UTRN: variants seen among roughly 807,000 people sequenced by gnomAD.
UTRN encodes dystrophin-related protein 1.
Under a neutral mutation model 463.9 loss-of-function variants are expected in UTRN, and 283 were observed. That is an observed-to-expected ratio of 0.61 (90% CI 0.55 to 0.67). The LOEUF (loss-of-function observed/expected upper bound fraction) is 0.67. Among genes scored for constraint, UTRN ranks in the 30% least tolerant of loss-of-function variants. The pLI is 0.00. For synonymous variants in UTRN, 1,442 were observed against 1,431.5 expected (o/e 1.01, Z -0.17); for missense variants, 3,922 against 4,084.3 (o/e 0.96, Z 1.08).
intron 52 of UTRN, among the ~76,000 whole-genome samples, chr6:144,687,006 G>T (rs1217619622): frequency 6.6e-6 from 1 of 152,078 alleles, no homozygotes; most frequent in African/African-American, 2.4e-5. Context: ...AGAAGGTTCT[G>T]TTCTGGGGCA....
Position 144,485,357 on chromosome 6 carries a change from G to C in UTRN, c.3688-28G>C, listed in dbSNP as rs1792332774. The C allele has an allele frequency of 1.9e-6, 3 of 1,611,704 alleles. No individual in the cohort carries two copies. The South Asian group carries it at 3.3e-5, about 18-fold the overall frequency. On this transcript the variant is annotated intron_variant, in intron 27 of 74. Transcript: ENST00000367545. ...GATACGATGTGTGAAATGGCTTTTT[G>C]TCTAATTTAAAATTTTTCATGCTTT...
Position 144,757,986 on chromosome 6 carries a change from T to C in UTRN, c.8492T>C (p.Ile2831Thr). The C allele has an allele frequency of 6.2e-7, 1 of 1,609,080 alleles. No individual in the cohort carries two copies. ...SISHNKVPYY[I>T]NHQTQTTCWD... ...TCACATAATAAAGTGCCCTATTACA[T>C]CAAGTAAGTTGATTTTAATTCTCCT... The change falls in exon 58 of 75, where the codon ATC (isoleucine) becomes ACC (threonine). Residue 2831 changes from isoleucine to threonine, a missense_variant. Physicochemically the swap from Ile to Thr is moderately conservative, Grantham distance 89. Coordinates refer to ENST00000367545, the MANE Select transcript of UTRN (RefSeq NM_007124.3).
chr6:144,448,467 A>T, intron 16 of UTRN, 133 bp from the exon 17 acceptor site: 1 of 1,007,054 alleles, frequency 9.9e-7, no homozygotes, highest in South Asian at 1.9e-5. Context: ...GACTGTGAGG[A>T]TGATTATACA....
At position 144,836,417 on chromosome 6, in the gene UTRN, T is replaced by G. The variant is rs1313562025; in HGVS notation, c.9941T>G (p.Leu3314Arg). The G allele has an allele frequency of 6.6e-7, 1 of 1,519,296 alleles. No individual in the cohort carries two copies. The highest frequency in any genetic ancestry group is 8.9e-7 in the Non-Finnish European group (1 of 1,119,186). The allele number at this position is 1,519,296 out of a possible 1,614,324, so 94.1% of individuals were successfully genotyped here. Reference sequence around the variant, plus strand: ...CATCACACGTCTGAGGATTCAGAACTTATAGCAGAAGCAAAACTCCTCAGG... The same window carrying G: ...CATCACACGTCTGAGGATTCAGAACGTATAGCAGAAGCAAAACTCCTCAGG... ...SPHHTSEDSE[L>R]IAEAKLLRQH... The change falls in exon 71 of 75, where the codon CTT becomes CGT. Residue 3314 changes from leucine to arginine, a missense_variant. Transcript: ENST00000367545.
intron 69 of UTRN, 132 bp from the exon 70 acceptor site, chr6:144,835,648 A>T: frequency 8.7e-7 from 1 of 1,149,592 alleles, no homozygotes. Context: ...AAGGGAGGTC[A>T]TGGAGACACT....
chr6:144,350,649 T>C (rs1166230609), intron 2 of UTRN, among the ~76,000 whole-genome samples: 2 of 152,224 alleles, frequency 1.3e-5, no homozygotes, highest in Admixed American at 6.5e-5. Context: ...TCTGCATATG[T>C]TTATTGGCTC....
chr6:144,699,371 C>T (rs1784331026), intron 52 of UTRN, among the ~76,000 whole-genome samples: 1 of 149,540 alleles, frequency 6.7e-6, no homozygotes. Flanking sequence ...ACCCAGGAGG[C>T]AGAGGTCGCA....
At chr6:144,551,169 A>AC (rs1798880352) in intron 48 of UTRN, 87 bp downstream of exon 48, 15 of 787,108 alleles carry the variant, frequency 1.9e-5, no homozygotes, top group Admixed American at 3.0e-5. Flanking sequence ...ACACACACAC[A>AC]AACACATTTT....
chr6:144,484,301 A>G (rs2128575296), intron 27 of UTRN, among the ~76,000 whole-genome samples: 1 of 152,168 alleles, frequency 6.6e-6, no homozygotes, highest in Non-Finnish European at 1.5e-5. Context: ...GGAAGGCTAC[A>G]TTGCAAACTT....
intron 19 of UTRN, among the ~76,000 whole-genome samples, chr6:144,458,331 C>G (rs1789078411): frequency 6.6e-6 from 1 of 152,146 alleles, no homozygotes; most frequent in Non-Finnish European, 1.5e-5. Flanking sequence ...GCTTTGGTCA[C>G]CAAGACCTGA....
chr6:144,486,165 A>C (rs528422492), intron 28 of UTRN, among the ~76,000 whole-genome samples: 2 of 152,350 alleles, frequency 1.3e-5, no homozygotes, highest in East Asian at 3.9e-4. Flanking sequence ...GGCTTTTAAA[A>C]ATGTCATGGT....
chr6:144,511,509 C>T (rs1041738626), intron 35 of UTRN, among the ~76,000 whole-genome samples: 29 of 152,090 alleles, frequency 1.9e-4, no homozygotes, highest in African/African-American at 6.3e-4. Context: ...ATCTGACGGC[C>T]TATGTAAAAA....
chr6:144,613,239 T>A (rs962732784), intron 51 of UTRN, among the ~76,000 whole-genome samples: 2 of 152,020 alleles, frequency 1.3e-5, no homozygotes, highest in Non-Finnish European at 2.9e-5. Flanking sequence ...GGGGAAATTG[T>A]TGATCAAAGG....
At chr6:144,846,444 G>C (rs17074328) in intron 73 of UTRN, among the ~76,000 whole-genome samples, 13,633 of 152,198 alleles carry the variant, frequency 0.09, 694 homozygotes, top group South Asian at 0.15. Context: ...GTCAGAATTA[G>C]TACTCAGCAA....
intron 54 of UTRN, among the ~76,000 whole-genome samples, chr6:144,742,557 A>G (rs1226158110): frequency 6.6e-6 from 1 of 152,162 alleles, no homozygotes; most frequent in Non-Finnish European, 1.5e-5. Context: ...TTGAGTTCTT[A>G]TTGGCTAATC....
intron 51 of UTRN, among the ~76,000 whole-genome samples, chr6:144,614,316 G>A (rs898360690): frequency 6.6e-6 from 1 of 152,010 alleles, no homozygotes; most frequent in Non-Finnish European, 1.5e-5. Context: ...TCTAGAAAGA[G>A]CAAATGAAGA....
chr6:144,607,054 T>G (rs1394690706), intron 51 of UTRN, among the ~76,000 whole-genome samples: 1 of 152,222 alleles, frequency 6.6e-6, no homozygotes, highest in Non-Finnish European at 1.5e-5. Flanking sequence ...TAATTTTCTC[T>G]TTAAAGGTAA....
At chr6:144,599,414 T>TA (rs1487139798) in intron 51 of UTRN, among the ~76,000 whole-genome samples, 1 of 152,190 alleles carries the variant, frequency 6.6e-6, no homozygotes, top group Non-Finnish European at 1.5e-5. Context: ...ATTCTGGACA[T>TA]ACCTTTAACT....
At chr6:144,841,820 T>C (rs1781597922) in intron 73 of UTRN, among the ~76,000 whole-genome samples, 1 of 152,012 alleles carries the variant, frequency 6.6e-6, no homozygotes, top group Admixed American at 6.6e-5. Flanking sequence ...CCTTAGAAAA[T>C]GCCATCCCAG....
Sources: allele counts gnomAD v4.1 joint callset (sites outside exome capture counted in the v4.1 genomes callset), GRCh38; gene constraint gnomAD v4.1.1; transcripts MANE v1.5; gene names NCBI Gene and HGNC (gene_info 2026-07-23, HGNC 2026-07-21).